Variants in CAMKK2 observed in about 807,000 individuals in gnomAD.
The protein encoded by CAMKK2 is calcium/calmodulin dependent protein kinase kinase 2, also known as calcium/calmodulin-dependent protein kinase kinase 2.
CAMKK2 carries 30 observed loss-of-function variants against 67.2 expected under a neutral mutation model. The ratio of observed to expected loss-of-function variants is 0.45; its 90% confidence interval spans 0.33 to 0.61. The LOEUF is 0.61. Among genes scored for constraint, CAMKK2 ranks in the 20% least tolerant of loss-of-function variants. The pLI, the probability that CAMKK2 is intolerant of heterozygous loss-of-function variation, is 0.02. For synonymous variants in CAMKK2, 322 were observed against 326.2 expected, an observed-to-expected ratio of 0.99 and a Z score of 0.14; for missense variants, 643 against 802.0, an observed-to-expected ratio of 0.80 and a Z score of 2.39.
chr12:121,271,408 T>G (rs1240739484), intron 2 of CAMKK2, among the ~76,000 whole-genome samples: 2 of 152,006 alleles, frequency 1.3e-5, no homozygotes, highest in African/African-American at 2.4e-5. Context: ...CTCCCCCAGG[T>G]GGCCACTCTC....
At position 121,253,688 on chromosome 12, in the gene CAMKK2, C is replaced by T. The variant is rs1441895699; in HGVS notation, c.908-216G>A. Among the ~76,000 whole-genome samples, 2 of 152,096 alleles carry T rather than the reference C, an allele frequency of 1.3e-5. No homozygotes were observed. Among genetic ancestry groups the T allele is most frequent in the Admixed American group, 6.6e-5 (1 of 15,258 alleles). On this transcript the variant is annotated intron_variant, in intron 9 of 16. Transcript: ENST00000404169. This position sits in a 1 kb window ranked among gnomAD's most constrained non-coding sequence, Gnocchi z 5.0. The stretch of plus-strand genomic sequence containing the variant: ...AAAGTGTCTTCAAGGAAGTCCCAGC[C>T]CACCATCACCCCACCCCTTCTCAAC...
chr12:121,288,354 C>T (rs1899211442), intron 1 of CAMKK2, among the ~76,000 whole-genome samples: 1 of 152,186 alleles, frequency 6.6e-6, no homozygotes, highest in Admixed American at 6.5e-5. Flanking sequence ...TTTTGGACAT[C>T]ATGCTAAATC....
At chr12:121,251,436 G>C (rs549260312) in intron 11 of CAMKK2, among the ~76,000 whole-genome samples, 10 of 152,134 alleles carry the variant, frequency 6.6e-5, no homozygotes, top group Non-Finnish European at 1.5e-4. Context: ...CATGGGACCA[G>C]TTTCTTAGGC....
intron 2 of CAMKK2, among the ~76,000 whole-genome samples, chr12:121,272,902 G>A (rs1896047991): frequency 6.6e-6 from 1 of 151,850 alleles, no homozygotes; most frequent in Admixed American, 6.6e-5. Flanking sequence ...AGCCCCTTTA[G>A]AAAGGCATCC....
intron 1 of CAMKK2, among the ~76,000 whole-genome samples, chr12:121,275,988 C>T (rs1005300105): frequency 6.6e-6 from 1 of 151,816 alleles, no homozygotes; most frequent in Non-Finnish European, 1.5e-5. Context: ...GGTGAAACCC[C>T]ATCTCTACTA....
intron 5 of CAMKK2, among the ~76,000 whole-genome samples, chr12:121,268,372 C>T (rs1895063757): frequency 1.3e-5 from 2 of 151,840 alleles, no homozygotes; most frequent in Admixed American, 1.3e-4. Context: ...TGACTTGATA[C>T]CTATATAACT....
intron 16 of CAMKK2, chr12:121,244,038 G>A: frequency 6.3e-7 from 1 of 1,578,654 alleles, no homozygotes; most frequent in South Asian, 1.2e-5. Context: ...ATGAAGGAAG[G>A]GTGGCTGACA....
rs990887393 is a variant in CAMKK2 at position 121,288,721 on chromosome 12, C to T, written c.-60+7917G>A. On this transcript the variant is annotated intron_variant, in intron 1 of 16. Coordinates refer to ENST00000404169, the MANE Select transcript of CAMKK2 (RefSeq NM_001270485.2). ...GCAGAGGGGCAACACCTTGGCCTCC[C>T]CACTGACTCCCACCCCCCTTTCCTC... 5.9e-5 allele frequency among the ~76,000 whole-genome samples: 9 copies of T among 152,248 alleles called. No homozygotes were observed. The East Asian group carries it at 1.2e-3, about 20-fold the overall frequency.
In CAMKK2 at chr12:121,266,069, C is replaced by A. The variant is rs372364325; in HGVS notation, c.626-2130G>T. Among the ~76,000 whole-genome samples, 67 of 151,942 alleles carry A rather than the reference C, an allele frequency of 4.4e-4. No homozygotes were observed. In the East Asian group the frequency reaches 5.1e-3, roughly 12 times the overall value. On this transcript the variant is annotated intron_variant, in intron 5 of 16. Transcript: ENST00000404169. The stretch of plus-strand genomic sequence containing the variant: ...GCCTCAGCCTCCCGAGTAGCTAGGA[C>A]TACAGGTGCACACCACCATGCCCAG...
At position 121,274,377 on chromosome 12, in the gene CAMKK2, C is replaced by A; in HGVS notation, c.150G>T (p.Glu50Asp). The change falls in exon 2 of 17, where the codon GAG becomes GAT. Residue 50 changes from glutamate (E) to aspartate (D), a missense_variant. This residue lies in a region of CAMKK2 where 483 missense variants were observed against 625.8 expected (regional missense o/e 0.77). Coordinates refer to ENST00000404169, the MANE Select transcript of CAMKK2 (RefSeq NM_001270485.2). ...LSSLSIHLGM[E>D]SFIVVTECEP... ...CACACTCGGTGACCACAATGAAGGA[C>A]TCCATGCCCAGGTGGATGCTCAAGG... 1 of 1,613,560 alleles carries A rather than the reference C, an allele frequency of 6.2e-7. No individual in the cohort carries two copies. Among genetic ancestry groups the A allele is most frequent in the Non-Finnish European group, 8.5e-7 (1 of 1,179,954 alleles).
chr12:121,238,437 T>G lies in CAMKK2; in HGVS notation c.*2262A>C, dbSNP rs1009118183. ...ACCTCCTTTCCTGACAGAGCTGGCTTTTGAAAAATCAATGTGCTCCAAGAG... is the reference window on the plus strand; with the variant it reads ...ACCTCCTTTCCTGACAGAGCTGGCTGTTGAAAAATCAATGTGCTCCAAGAG... On this transcript the variant is annotated 3_prime_UTR_variant, in exon 17 of 17. Transcript: ENST00000404169. The G allele has an allele frequency of 2.6e-5, 4 of 152,650 alleles. No homozygotes were observed. The highest frequency in any genetic ancestry group is 9.6e-5 in the African/African-American group (4 of 41,456). 9.5% of individuals were successfully genotyped at this position (152,650 alleles called of 1,614,324 possible).
chr12:121,277,723 T>C (rs908141182), intron 1 of CAMKK2, among the ~76,000 whole-genome samples: 7 of 152,180 alleles, frequency 4.6e-5, no homozygotes, highest in Non-Finnish European at 2.9e-5. Flanking sequence ...TCCCAACACC[T>C]TGGGAGGCCA....
intron 16 of CAMKK2, 116 bp downstream of exon 16, chr12:121,244,457 G>T: frequency 2.0e-6 from 2 of 1,018,682 alleles, no homozygotes; most frequent in Non-Finnish European, 1.4e-6. Flanking sequence ...CCGGGCCACA[G>T]CAGCCCAGGC....
At chr12:121,290,304 T>C (rs1428314763) in intron 1 of CAMKK2, among the ~76,000 whole-genome samples, 1 of 152,210 alleles carries the variant, frequency 6.6e-6, no homozygotes, top group Non-Finnish European at 1.5e-5. Context: ...CGTGGCACTA[T>C]CTCTCTGCTT....
chr12:121,240,627 G>A lies in CAMKK2; in HGVS notation c.*72C>T, dbSNP rs560166563. The A allele has an allele frequency of 6.5e-7, 1 of 1,535,732 alleles. No homozygotes were observed. The highest frequency in any genetic ancestry group is 1.2e-5 in the South Asian group (1 of 84,080). The stretch of plus-strand genomic sequence containing the variant: ...GTGCTGGGTTTCCGTAGGACATGCT[G>A]CTATGGAAACGCGGTGCAGCAGCCC... On this transcript the variant is annotated 3_prime_UTR_variant, in exon 17 of 17. Transcript: ENST00000404169. This position sits in a 1 kb window ranked among gnomAD's most constrained non-coding sequence, Gnocchi z 4.4.
intron 16 of CAMKK2, among the ~76,000 whole-genome samples, 164 bp from the exon 17 acceptor site, chr12:121,241,033 G>A (rs987211437): frequency 6.6e-6 from 1 of 152,094 alleles, no homozygotes; most frequent in Admixed American, 6.5e-5. Flanking sequence ...CCTTTTCCTT[G>A]CTCACATAAA....
intron 6 of CAMKK2, among the ~76,000 whole-genome samples, chr12:121,262,673 C>T (rs1893703749): frequency 1.3e-5 from 2 of 152,090 alleles, no homozygotes; most frequent in African/African-American, 4.8e-5. Context: ...ATTCTCCCAC[C>T]TCGGCCTTCG....
intron 1 of CAMKK2, among the ~76,000 whole-genome samples, chr12:121,290,805 TTG>T (rs1158094036): frequency 2.0e-5 from 3 of 152,086 alleles, no homozygotes; most frequent in Admixed American, 2.0e-4. Flanking sequence ...TGGGTTTGTT[TTG>T]TTGTTATTGT....
chr12:121,243,313 G>A (rs530882083), intron 16 of CAMKK2, among the ~76,000 whole-genome samples: 2 of 151,810 alleles, frequency 1.3e-5, no homozygotes, highest in African/African-American at 2.4e-5. Context: ...TTACAGGCGT[G>A]AGCCACTGCA....
Sources: gnomAD v4.1 joint callset for allele counts (sites outside exome capture counted in the v4.1 genomes callset) on GRCh38, gnomAD v4.1.1 for gene constraint, gnomAD v4.1.1 regional missense constraint, Gnocchi (gnomAD v3.1) non-coding constraint, MANE v1.5 for transcripts, NCBI Gene and HGNC (gene_info 2026-07-23, HGNC 2026-07-21) for gene names.